AFG2A: variants seen among roughly 807,000 people sequenced by gnomAD.
AFG2A encodes the protein ATPase family gene 2 protein homolog A.
the AFG2A span, among the ~76,000 whole-genome samples, chr4:122,989,803 A>C: frequency 6.6e-6 from 1 of 152,230 alleles, no homozygotes; most frequent in African/African-American, 2.4e-5. Flanking sequence ...TGGGGGTGGG[A>C]TGAAGCATTT....
the AFG2A span, among the ~76,000 whole-genome samples, chr4:123,085,113 G>C: frequency 2.0e-5 from 3 of 151,956 alleles, no homozygotes; most frequent in African/African-American, 7.3e-5. Context: ...TTGTTCATGT[G>C]TGTTTTATGG....
At chr4:123,212,643 A>C in the AFG2A span, among the ~76,000 whole-genome samples, 1 of 152,298 alleles carries the variant, frequency 6.6e-6, no homozygotes, top group East Asian at 1.9e-4. Context: ...TTGCAGTTGT[A>C]GTCCCAAACT....
At chr4:123,298,859 T>C in the AFG2A span, among the ~76,000 whole-genome samples, 1 of 152,212 alleles carries the variant, frequency 6.6e-6, no homozygotes, top group Non-Finnish European at 1.5e-5. Context: ...ACAAATATTA[T>C]TAAAATGAGC....
At chr4:123,189,331 C>T in the AFG2A span, among the ~76,000 whole-genome samples, 1 of 152,176 alleles carries the variant, frequency 6.6e-6, no homozygotes, top group African/African-American at 2.4e-5. Flanking sequence ...AAGTTTACCA[C>T]AAGTGGAGAC....
chr4:123,316,573 A>C, the AFG2A span: 1 of 152,244 alleles, frequency 6.6e-6, no homozygotes, highest in Admixed American at 6.5e-5. Context: ...GGCTAAGGGC[A>C]CAAGAAAATA....
At chr4:123,236,976 G>A in the AFG2A span, among the ~76,000 whole-genome samples, 1 of 152,198 alleles carries the variant, frequency 6.6e-6, no homozygotes, top group Non-Finnish European at 1.5e-5. Flanking sequence ...CTGATTGATT[G>A]TCACTGGAGC....
chr4:123,221,030 T>G, the AFG2A span, among the ~76,000 whole-genome samples: 1 of 152,246 alleles, frequency 6.6e-6, no homozygotes, highest in African/African-American at 2.4e-5. Context: ...AGTGATTGTC[T>G]CCGTAGCACT....
the AFG2A span, among the ~76,000 whole-genome samples, chr4:122,957,375 G>A: frequency 6.6e-6 from 1 of 152,200 alleles, no homozygotes; most frequent in African/African-American, 2.4e-5. Flanking sequence ...ACTAAAGACA[G>A]AGTAAATTAC....
chr4:122,933,368 T>G, the AFG2A span: 1 of 1,189,182 alleles, frequency 8.4e-7, no homozygotes, highest in Non-Finnish European at 1.2e-6. Context: ...CATATACATG[T>G]AATTTTACAT....
At chr4:123,122,967 T>C in the AFG2A span, among the ~76,000 whole-genome samples, 1 of 152,142 alleles carries the variant, frequency 6.6e-6, no homozygotes, top group African/African-American at 2.4e-5. Flanking sequence ...TAACTTTGTA[T>C]TTTTGCAGGG....
the AFG2A span, among the ~76,000 whole-genome samples, chr4:123,311,158 G>A: frequency 6.6e-6 from 1 of 152,180 alleles, no homozygotes; most frequent in African/African-American, 2.4e-5. Context: ...AGACAGGGGA[G>A]TACTAAATAT....
the AFG2A span, among the ~76,000 whole-genome samples, chr4:123,210,914 G>A: frequency 6.6e-6 from 1 of 151,850 alleles, no homozygotes; most frequent in African/African-American, 2.4e-5. Context: ...ACTTTGGCCT[G>A]TCAAATCATG....
At chr4:123,097,838 T>G in the AFG2A span, among the ~76,000 whole-genome samples, 1 of 152,294 alleles carries the variant, frequency 6.6e-6, no homozygotes, top group East Asian at 1.9e-4. Flanking sequence ...GACCATGGCC[T>G]TTAGGCCAAA....
chr4:123,000,524 A>G, the AFG2A span, among the ~76,000 whole-genome samples: 1 of 151,146 alleles, frequency 6.6e-6, no homozygotes, highest in African/African-American at 2.4e-5. Flanking sequence ...AGGTTGCTGA[A>G]TTTTGTCAAA....
chr4:123,132,921 C>T, the AFG2A span, among the ~76,000 whole-genome samples: 1 of 151,904 alleles, frequency 6.6e-6, no homozygotes, highest in African/African-American at 2.4e-5. Flanking sequence ...GCTGGGACTA[C>T]AGGCGCCCAC....
chr4:123,187,901 C>A, the AFG2A span, among the ~76,000 whole-genome samples: 1 of 151,130 alleles, frequency 6.6e-6, no homozygotes, highest in Non-Finnish European at 1.5e-5. Context: ...CAGGCTGAGG[C>A]AGGAGGATCA....
At chr4:123,316,083 G>C in the AFG2A span, 2 of 152,006 alleles carry the variant, frequency 1.3e-5, no homozygotes, top group South Asian at 4.1e-4. Context: ...CCCAGCCTGT[G>C]GTGACATATA....
At chr4:123,135,239 G>A in the AFG2A span, among the ~76,000 whole-genome samples, 120 of 151,972 alleles carry the variant, frequency 7.9e-4, no homozygotes, top group Non-Finnish European at 1.5e-3. Context: ...AACAAATTAG[G>A]TACAGAAGGA....
At chr4:122,978,563 G>A in the AFG2A span, among the ~76,000 whole-genome samples, 1 of 152,208 alleles carries the variant, frequency 6.6e-6, no homozygotes, top group Non-Finnish European at 1.5e-5. Flanking sequence ...GCTTCAGGCT[G>A]TCCCTGGCTT....
Sources: gnomAD v4.1 joint callset for allele counts (sites outside exome capture counted in the v4.1 genomes callset) on GRCh38, gnomAD v4.1.1 for gene constraint, MANE v1.5 for transcripts, NCBI Gene and HGNC (gene_info 2026-07-23, HGNC 2026-07-21) for gene names.